FAS: variants seen among roughly 807,000 people sequenced by gnomAD.
The protein encoded by FAS is Fas cell surface death receptor, also known as tumor necrosis factor receptor superfamily member 6.
FAS carries 5 observed loss-of-function variants against 33.2 expected under a neutral mutation model. That is an observed-to-expected ratio of 0.15 (90% CI 0.08 to 0.32). The LOEUF (loss-of-function observed/expected upper bound fraction) is 0.32. FAS is among the 10% of genes least tolerant of loss of function. FAS has a pLI of 1.00. For synonymous variants in FAS, 131 were observed against 130.7 expected (o/e 1.00, Z -0.01); for missense variants, 339 against 386.0 (o/e 0.88, Z 1.02).
intron 1 of FAS, among the ~76,000 whole-genome samples, chr10:88,998,432 A>G (rs1847731354): frequency 1.3e-5 from 2 of 152,030 alleles, no homozygotes; most frequent in Admixed American, 6.6e-5. Context: ...CAAATACAAG[A>G]GCTCTGGAAG....
intron 2 of FAS, among the ~76,000 whole-genome samples, chr10:89,004,354 T>A (rs765119199): frequency 3.3e-4 from 51 of 152,260 alleles, no homozygotes; most frequent in Middle Eastern, 3.4e-3. Context: ...GAAAAAAAAT[T>A]TTTTTTAACT....
upstream of FAS, chr10:88,990,585 C>T: frequency 1.5e-6 from 1 of 667,026 alleles, no homozygotes; most frequent in East Asian, 2.9e-5. The surrounding 1 kb of genome is among the most constrained non-coding windows in gnomAD (Gnocchi z 4.9). Context: ...CCAACCCGGG[C>T]GTTCCCCAGC....
intron 1 of FAS, among the ~76,000 whole-genome samples, chr10:88,993,726 ATATT>A (rs1358794423): frequency 2.0e-5 from 3 of 152,220 alleles, no homozygotes; most frequent in African/African-American, 7.2e-5. Flanking sequence ...ATAAAATGGA[ATATT>A]TATTTATTTT....
At chr10:88,998,577 G>A (rs1340012263) in intron 1 of FAS, among the ~76,000 whole-genome samples, 1 of 152,126 alleles carries the variant, frequency 6.6e-6, no homozygotes, top group Non-Finnish European at 1.5e-5. Context: ...CGGATGCTCA[G>A]GAAGTTAGGG....
intron 1 of FAS, among the ~76,000 whole-genome samples, chr10:88,966,776 C>A (rs1053203171): frequency 2.0e-5 from 3 of 152,164 alleles, no homozygotes; most frequent in African/African-American, 7.2e-5. Context: ...ACGTAACCTG[C>A]TCAAATGTTT....
intron 2 of FAS, among the ~76,000 whole-genome samples, chr10:88,980,041 G>A (rs113921685): frequency 1.1e-4 from 16 of 152,318 alleles, no homozygotes; most frequent in African/African-American, 3.1e-4. Flanking sequence ...CAGCTGAGCC[G>A]AAAGATAAAG....
At chr10:89,003,296 T>C in intron 2 of FAS, 102 bp downstream of exon 2, 2 of 1,304,870 alleles carry the variant, frequency 1.5e-6, no homozygotes, top group South Asian at 1.3e-5. Flanking sequence ...GGTTCCCCTA[T>C]ATTATATAAC....
At chr10:88,989,665 C>A, upstream of FAS, 2 of 464,308 alleles carry the variant, frequency 4.3e-6, no homozygotes, top group Non-Finnish European at 4.3e-6. Context: ...CCCAAACAGG[C>A]TCCAGAAGAA....
chr10:88,999,347 CA>C (rs1166394610), intron 1 of FAS, among the ~76,000 whole-genome samples: 3 of 152,020 alleles, frequency 2.0e-5, no homozygotes. Context: ...AATTCAAAGC[CA>C]GGGGTTAAAA....
rs1297630245 is a variant in FAS, at chr10:89,015,185, C to T, written c.*735C>T. On this transcript the variant is annotated 3_prime_UTR_variant, in exon 9 of 9. Coordinates refer to ENST00000652046, the MANE Select transcript of FAS (RefSeq NM_000043.6). ...AAGCATTTTGAGCAGGAGAGTATTA[C>T]TAGAGCTTTGCCACCTCTCCATTTT... The T allele has an allele frequency of 1.9e-6, 1 of 534,874 alleles. No homozygotes were observed. Among genetic ancestry groups the T allele is most frequent in the South Asian group, 1.5e-5 (1 of 65,170 alleles). 33.1% of individuals were successfully genotyped at this position (534,874 alleles called of 1,614,324 possible). A position where few individuals can be genotyped will look rare whatever the true frequency, so the allele number is the denominator to read the frequency against.
intron 1 of FAS, among the ~76,000 whole-genome samples, chr10:88,964,148 T>C (rs1422534994): frequency 2.6e-5 from 4 of 152,138 alleles, no homozygotes; most frequent in African/African-American, 9.7e-5. Flanking sequence ...TTTAGTTTAG[T>C]TTCACATATT....
rs1353959877 is a variant in FAS, at chr10:89,016,509, C to A, written c.*2059C>A. 8.8e-6 allele frequency: 2 copies of A among 226,090 alleles called. No individual in the cohort carries two copies. The highest frequency in any genetic ancestry group is 1.8e-5 in the Non-Finnish European group (2 of 113,618). 14.0% of individuals were successfully genotyped at this position (226,090 alleles called of 1,614,324 possible). ...CTATTCCACTTTGGTGAACTCAGAG[C>A]AAGAACTTTGAGTTCCTTTGGGAGG... On this transcript the variant is annotated 3_prime_UTR_variant, in exon 9 of 9. Transcript: ENST00000652046.
chr10:88,986,362 T>C (rs574321157), upstream of FAS, among the ~76,000 whole-genome samples: 23 of 152,316 alleles, frequency 1.5e-4, no homozygotes, highest in African/African-American at 5.3e-4. Context: ...TCAATTGGAT[T>C]AAGAAGCCAG....
chr10:88,983,636 AAAACACACACAC>A (rs1846777399), upstream of FAS, among the ~76,000 whole-genome samples: 3 of 117,256 alleles, frequency 2.6e-5, no homozygotes, highest in South Asian at 5.3e-4. Context: ...AAAAAAAAAA[AAAACACACACAC>A]ACACACACAC....
At chr10:89,009,062 G>C in intron 4 of FAS, 65 bp downstream of exon 4, 1 of 1,373,364 alleles carries the variant, frequency 7.3e-7, no homozygotes, top group African/African-American at 1.4e-5. Context: ...TTTTCCTAGG[G>C]AAGTAACACT....
chr10:88,983,726 G>A (rs1846785110), upstream of FAS, among the ~76,000 whole-genome samples: 1 of 147,736 alleles, frequency 6.8e-6, no homozygotes, highest in African/African-American at 2.5e-5. Context: ...ATTTTTAAAT[G>A]TCTGTCCCTT....
At chr10:89,007,605 T>C in intron 2 of FAS, 95 bp from the exon 3 acceptor site, 4 of 1,492,530 alleles carry the variant, frequency 2.7e-6, no homozygotes, top group Non-Finnish European at 3.6e-6. Flanking sequence ...CCTTGTGTTT[T>C]AGAAGAGTTT....
intron 2 of FAS, chr10:88,973,503 T>A: frequency 1.6e-6 from 1 of 610,806 alleles, no homozygotes. Flanking sequence ...TACTCATGGA[T>A]GTGAGGCCAG....
chr10:88,983,408 G>A (rs1168471992), upstream of FAS, among the ~76,000 whole-genome samples: 1 of 152,004 alleles, frequency 6.6e-6, no homozygotes, highest in African/African-American at 2.4e-5. Context: ...ACTTACTTAG[G>A]GAGTTTACAT....
Sources: allele counts gnomAD v4.1 joint callset (sites outside exome capture counted in the v4.1 genomes callset), GRCh38; gene constraint gnomAD v4.1.1; non-coding constraint Gnocchi (gnomAD v3.1); transcripts MANE v1.5; gene names NCBI Gene and HGNC (gene_info 2026-07-23, HGNC 2026-07-21).